Variants in PCDHGB7 observed in about 807,000 individuals in gnomAD.
PCDHGB7 encodes protocadherin gamma subfamily B, 7.
PCDHGB7 carries 37 observed loss-of-function variants against 61.4 expected under a neutral mutation model. The observed-to-expected ratio is 0.60, with a 90% CI of 0.46 to 0.79. The LOEUF is 0.79. Among genes scored for constraint, PCDHGB7 ranks in the 30% least tolerant of loss-of-function variants. The pLI is 0.00. For missense variants in PCDHGB7, 1,166 were observed against 1,202.5 expected, an observed-to-expected ratio of 0.97 and a Z score of 0.45; for synonymous variants, 464 against 503.5, an observed-to-expected ratio of 0.92 and a Z score of 1.05.
chr5:141,432,053 C>T lies in PCDHGB7; in HGVS notation c.2415+11779C>T. The T allele has an allele frequency of 6.2e-7, 1 of 1,614,240 alleles. No homozygotes were observed. Among genetic ancestry groups the T allele is most frequent in the South Asian group, 1.1e-5 (1 of 91,082 alleles). ...CGCCACTGACCGGGGAACCCCGCCC[C>T]TATCCACGGAAACTCATATCTCGCT... On this transcript the variant is annotated intron_variant, in intron 1 of 3. Transcript: ENST00000398594. The surrounding 1 kb of genome is among the most constrained non-coding windows in gnomAD (Gnocchi z 6.0).
chr5:141,420,980 C>T (rs1463868271), intron 1 of PCDHGB7: 1 of 484,260 alleles, frequency 2.1e-6, no homozygotes, highest in Non-Finnish European at 3.6e-6. Flanking sequence ...AGAATGGGCT[C>T]TAGGCGCCGC....
Position 141,458,007 on chromosome 5 carries a change from C to T in PCDHGB7, c.2416-36800C>T, listed in dbSNP as rs142050242. Among the ~76,000 whole-genome samples the T allele has an allele frequency of 1.3e-3, 200 of 152,274 alleles. 1 individual carries two copies. The East Asian group carries it at 0.032, about 24-fold the overall frequency. ...TCAGTTAAAGCCTTGGCAAAATAAC[C>T]GGTTTTTCCAATTGTGTTCTGTTGA... On this transcript the variant is annotated intron_variant, in intron 1 of 3. Transcript: ENST00000398594.
chr5:141,452,968 A>G (rs1028716079), intron 1 of PCDHGB7, among the ~76,000 whole-genome samples: 3 of 152,210 alleles, frequency 2.0e-5, no homozygotes, highest in Non-Finnish European at 4.4e-5. Flanking sequence ...AACTGAGGGT[A>G]TATTGTCAAA....
chr5:141,488,915 G>A (rs942297924), intron 1 of PCDHGB7, among the ~76,000 whole-genome samples: 12 of 152,180 alleles, frequency 7.9e-5, no homozygotes, highest in Non-Finnish European at 2.9e-5. Flanking sequence ...TGTTCCCAAG[G>A]TTTCCAGGAT....
At chr5:141,470,723 G>T (rs1326927605) in intron 1 of PCDHGB7, among the ~76,000 whole-genome samples, 1 of 151,852 alleles carries the variant, frequency 6.6e-6, no homozygotes, top group East Asian at 1.9e-4. Flanking sequence ...TTTGAGTCAG[G>T]GTCTTGCTCT....
chr5:141,491,332 C>T lies in PCDHGB7; in HGVS notation c.2416-3475C>T, dbSNP rs1013118722. 2 of 1,614,072 alleles carry T rather than the reference C, an allele frequency of 1.2e-6. No individual in the cohort carries two copies. The highest frequency in any genetic ancestry group is 2.7e-5 in the African/African-American group (2 of 74,944). On this transcript the variant is annotated intron_variant, in intron 1 of 3. Coordinates refer to ENST00000398594, the MANE Select transcript of PCDHGB7 (RefSeq NM_018927.4). This position sits in a 1 kb window ranked among gnomAD's most constrained non-coding sequence, Gnocchi z 6.9. ...CCTTACCCTTTACCTCATTGTGGCT[C>T]TAGCGACCGTCAGTCTCTTATCCCT...
intron 1 of PCDHGB7, among the ~76,000 whole-genome samples, chr5:141,488,289 TAAGTGAA>T (rs1389982829): frequency 6.6e-6 from 1 of 152,186 alleles, no homozygotes; most frequent in Non-Finnish European, 1.5e-5. Context: ...GAAAAAACAG[TAAGTGAA>T]ATCACTTATG....
Position 141,431,351 on chromosome 5 carries a change from C to T in PCDHGB7, c.2415+11077C>T, listed in dbSNP as rs1411192998. On this transcript the variant is annotated intron_variant, in intron 1 of 3. Coordinates refer to ENST00000398594, the MANE Select transcript of PCDHGB7 (RefSeq NM_018927.4). The surrounding 1 kb of genome is among the most constrained non-coding windows in gnomAD (Gnocchi z 4.8). ...TAAGTACCCCGAATTGGTGCTGAAACGCGCCCTGGACCGCGAAGAAAAGGC... is the reference window on the plus strand; with the variant it reads ...TAAGTACCCCGAATTGGTGCTGAAATGCGCCCTGGACCGCGAAGAAAAGGC... The T allele has an allele frequency of 1.9e-6, 3 of 1,613,946 alleles. No homozygotes were observed. Among genetic ancestry groups the T allele is most frequent in the African/African-American group, 2.7e-5 (2 of 74,938 alleles).
At chr5:141,505,305 C>T (rs1363643214) in intron 2 of PCDHGB7, 88 bp from the exon 3 acceptor site, 2 of 1,595,104 alleles carry the variant, frequency 1.3e-6, no homozygotes, top group Admixed American at 1.7e-5. Flanking sequence ...GGTTAGGGTA[C>T]TAGGTTTGGG....
rs2099698809 is a variant in PCDHGB7 at position 141,490,343 on chromosome 5, T to C, written c.2416-4464T>C. On this transcript the variant is annotated intron_variant, in intron 1 of 3. Transcript: ENST00000398594. This position sits in a 1 kb window ranked among gnomAD's most constrained non-coding sequence, Gnocchi z 5.4. ...CTAGAGAGCACACCAGTGGGCACAG[T>C]AGTGGGGTTGTTTAATGTGCGAGAC... The C allele has an allele frequency of 6.2e-7, 1 of 1,614,018 alleles. No individual in the cohort carries two copies. Among genetic ancestry groups the C allele is most frequent in the Admixed American group, 1.7e-5 (1 of 60,006 alleles).
intron 1 of PCDHGB7, among the ~76,000 whole-genome samples, chr5:141,459,682 A>G (rs557568098): frequency 2.4e-4 from 37 of 152,358 alleles, no homozygotes; most frequent in African/African-American, 8.2e-4. Flanking sequence ...AGCAATGCAT[A>G]AAGCGTTCCG....
chr5:141,423,050 G>C, intron 1 of PCDHGB7: 1 of 1,614,186 alleles, frequency 6.2e-7, no homozygotes, highest in Non-Finnish European at 8.5e-7. Flanking sequence ...CTGTCCTATC[G>C]CCTGCTTAAG....
chr5:141,487,127 A>T lies in PCDHGB7; in HGVS notation c.2416-7680A>T. ...GGTCATTGTGGTAAAGGATAGTGGT[A>T]GTCCACCACTCTCTACCTCTGTTAC... On this transcript the variant is annotated intron_variant, in intron 1 of 3. Coordinates refer to ENST00000398594, the MANE Select transcript of PCDHGB7 (RefSeq NM_018927.4). The surrounding 1 kb of genome is among the most constrained non-coding windows in gnomAD (Gnocchi z 5.0). 6.2e-7 allele frequency: 1 copy of T among 1,613,334 alleles called. No individual in the cohort carries two copies. Among genetic ancestry groups the T allele is most frequent in the Admixed American group, 1.7e-5 (1 of 60,026 alleles).
rs771124496 is a variant in PCDHGB7, at chr5:141,489,457, C to T, written c.2416-5350C>T. The T allele has an allele frequency of 1.2e-5, 19 of 1,613,882 alleles. No homozygotes were observed. The highest frequency in any genetic ancestry group is 6.7e-5 in the African/African-American group (5 of 74,896). Reference sequence around the variant, plus strand: ...GCAATTGGGCTCTGAGGAGAATGGGCGCTATTTTTCCCTGAGCTTGATGAG... The same window carrying T: ...GCAATTGGGCTCTGAGGAGAATGGGTGCTATTTTTCCCTGAGCTTGATGAG... On this transcript the variant is annotated intron_variant, in intron 1 of 3. Coordinates refer to ENST00000398594, the MANE Select transcript of PCDHGB7 (RefSeq NM_018927.4). The surrounding 1 kb of genome is among the most constrained non-coding windows in gnomAD (Gnocchi z 4.5).
At chr5:141,422,806 C>A in intron 1 of PCDHGB7, 1 of 1,614,208 alleles carries the variant, frequency 6.2e-7, no homozygotes, top group Non-Finnish European at 8.5e-7. Flanking sequence ...TGAGCAGTTT[C>A]GAGACTTAGA....
chr5:141,422,349 T>G, intron 1 of PCDHGB7: 1 of 1,554,722 alleles, frequency 6.4e-7, no homozygotes, highest in South Asian at 1.3e-5. Flanking sequence ...ATGTGCAAGA[T>G]CAAGATTCTG....
intron 1 of PCDHGB7, among the ~76,000 whole-genome samples, chr5:141,464,833 G>A (rs1015373577): frequency 6.6e-6 from 1 of 151,990 alleles, no homozygotes; most frequent in African/African-American, 2.4e-5. Context: ...CGCACTCCTG[G>A]GCTCAAGCAA....
chr5:141,505,377 C>G lies in PCDHGB7; in HGVS notation c.2475-16C>G, dbSNP rs1368451336. 1.9e-6 allele frequency: 3 copies of G among 1,614,036 alleles called. No homozygotes were observed. In the East Asian group the frequency reaches 6.7e-5, roughly 36 times the overall value. On this transcript the variant is annotated splice_polypyrimidine_tract_variant and intron_variant, in intron 2 of 3. Coordinates refer to ENST00000398594, the MANE Select transcript of PCDHGB7 (RefSeq NM_018927.4). Reference sequence around the variant, plus strand: ...CGGCCTGGGAGTCTGTGCTCACCATCCTACTCTCTCCCCAGCTCCCAAAAT... The same window carrying G: ...CGGCCTGGGAGTCTGTGCTCACCATGCTACTCTCTCCCCAGCTCCCAAAAT...
At chr5:141,446,968 G>A (rs1052445705) in intron 1 of PCDHGB7, among the ~76,000 whole-genome samples, 12 of 152,050 alleles carry the variant, frequency 7.9e-5, no homozygotes, top group African/African-American at 2.4e-4. Flanking sequence ...AGGGAAATTT[G>A]CTGTCTAATT....
Sources: gnomAD v4.1 joint callset for allele counts (sites outside exome capture counted in the v4.1 genomes callset) on GRCh38, gnomAD v4.1.1 for gene constraint, Gnocchi (gnomAD v3.1) non-coding constraint, MANE v1.5 for transcripts, NCBI Gene and HGNC (gene_info 2026-07-23, HGNC 2026-07-21) for gene names.